CEP85L: variants seen among roughly 807,000 people sequenced by gnomAD.
CEP85L encodes the protein centrosomal protein of 85 kDa-like.
A neutral mutation model predicts 100.3 loss-of-function variants in CEP85L; 60 were observed. The ratio of observed to expected loss-of-function variants is 0.60; its 90% CI spans 0.49 to 0.74. CEP85L has a LOEUF of 0.74. CEP85L is among the 30% of genes least tolerant of loss of function. The pLI is 0.00. For missense variants in CEP85L, 973 were observed against 936.2 expected, an observed-to-expected ratio of 1.04 and a Z score of -0.51; for synonymous variants, 319 against 322.7, an observed-to-expected ratio of 0.99 and a Z score of 0.12.
At chr6:118,543,011 T>C (rs1312386441) in intron 3 of CEP85L, among the ~76,000 whole-genome samples, 1 of 151,312 alleles carries the variant, frequency 6.6e-6, no homozygotes, top group Non-Finnish European at 1.5e-5. Context: ...ATAAGGAAAG[T>C]AACTTACAAT....
intron 2 of CEP85L, among the ~76,000 whole-genome samples, chr6:118,570,175 AG>A (rs1462010357): frequency 2.6e-5 from 4 of 152,348 alleles, no homozygotes; most frequent in Non-Finnish European, 5.9e-5. Context: ...CATAGTGGAA[AG>A]GGGGCAAAAG....
intron 3 of CEP85L, among the ~76,000 whole-genome samples, chr6:118,529,620 A>AAAAAAAC (rs1256495089): frequency 1.1e-3 from 112 of 106,168 alleles, no homozygotes; most frequent in African/African-American, 3.4e-3. Flanking sequence ...AAAAAAAAAA[A>AAAAAAAC]AAAAAAAAAA....
intron 1 of CEP85L, among the ~76,000 whole-genome samples, chr6:118,666,494 G>A (rs933834522): frequency 2.0e-5 from 3 of 152,152 alleles, no homozygotes; most frequent in African/African-American, 7.2e-5. Flanking sequence ...CCTATTGAAT[G>A]TTTACAACAT....
intron 3 of CEP85L, among the ~76,000 whole-genome samples, chr6:118,561,265 G>GA: frequency 6.6e-6 from 1 of 152,266 alleles, no homozygotes; most frequent in Admixed American, 6.5e-5. Flanking sequence ...TACCAATACA[G>GA]AAAGTATCCC....
At chr6:118,521,048 T>G (rs1416692085) in intron 4 of CEP85L, among the ~76,000 whole-genome samples, 1 of 152,204 alleles carries the variant, frequency 6.6e-6, no homozygotes, top group Non-Finnish European at 1.5e-5. Flanking sequence ...CATGTAATTT[T>G]GGATAATATA....
chr6:118,479,762 T>TA, intron 10 of CEP85L, 109 bp downstream of exon 10: 1 of 512,066 alleles, frequency 2.0e-6, no homozygotes. Flanking sequence ...GTGCTATAAA[T>TA]ATTATCTTTC....
chr6:118,480,194 T>C (rs1439987554), intron 9 of CEP85L, among the ~76,000 whole-genome samples: 1 of 152,148 alleles, frequency 6.6e-6, no homozygotes, highest in African/African-American at 2.4e-5. Context: ...AGATATCCTT[T>C]TGTTTTGGCT....
chr6:118,596,086 T>C (rs1054379303), intron 2 of CEP85L, among the ~76,000 whole-genome samples: 3 of 152,292 alleles, frequency 2.0e-5, no homozygotes, highest in African/African-American at 7.2e-5. Flanking sequence ...TATTCTAAAA[T>C]GTTTGGAATT....
At chr6:118,707,279 TTCC>T (rs1399279367) in intron 1 of CEP85L, among the ~76,000 whole-genome samples, 1 of 150,168 alleles carries the variant, frequency 6.7e-6, no homozygotes, top group African/African-American at 2.4e-5. Flanking sequence ...CAGCCTCAAC[TTCC>T]CAGGCTCAGA....
At chr6:118,565,447 C>T (rs1486444163) in intron 3 of CEP85L, 82 bp downstream of exon 3, 2 of 1,300,036 alleles carry the variant, frequency 1.5e-6, no homozygotes, top group African/African-American at 2.9e-5. Context: ...TCTGTGAACA[C>T]TTGTTATATG....
At chr6:118,653,087 A>G (rs73766602), upstream of CEP85L, among the ~76,000 whole-genome samples, 4,108 of 152,298 alleles carry the variant, frequency 0.027, 187 homozygotes, top group African/African-American at 0.093. Context: ...TTGCGAGTTT[A>G]AAATACACTT....
intron 6 of CEP85L, among the ~76,000 whole-genome samples, chr6:118,485,779 C>T (rs797019067): frequency 2.0e-4 from 31 of 152,322 alleles, no homozygotes; most frequent in African/African-American, 6.5e-4. Context: ...TAGTAACCAG[C>T]TGTGCTTGGT....
At chr6:118,518,560 T>A (rs1776423105) in intron 4 of CEP85L, among the ~76,000 whole-genome samples, 1 of 152,244 alleles carries the variant, frequency 6.6e-6, no homozygotes, top group African/African-American at 2.4e-5. Context: ...TGTAATTCTG[T>A]GGGATCAGTG....
chr6:118,651,084 G>C, intron 1 of CEP85L, 113 bp downstream of exon 1: 1 of 1,359,866 alleles, frequency 7.4e-7, no homozygotes, highest in Middle Eastern at 2.7e-4. Flanking sequence ...CGGCGTCGGG[G>C]AGGCGGCCGG....
chr6:118,594,730 C>G (rs1303891739), intron 2 of CEP85L, among the ~76,000 whole-genome samples: 1 of 151,576 alleles, frequency 6.6e-6, no homozygotes, highest in Non-Finnish European at 1.5e-5. Flanking sequence ...GTGGCAGGCG[C>G]CTGTAGTCCC....
chr6:118,502,356 G>A, intron 5 of CEP85L: 1 of 528,794 alleles, frequency 1.9e-6, no homozygotes, highest in Non-Finnish European at 3.5e-6. Context: ...CCCATGCCAA[G>A]ATTACCCATA....
chr6:118,514,524 C>CAAAAAAAAAAAAAAAA (rs561316113), intron 4 of CEP85L, among the ~76,000 whole-genome samples: 1 of 87,576 alleles, frequency 1.1e-5, no homozygotes, highest in Non-Finnish European at 2.2e-5. Flanking sequence ...GACACTGTCT[C>CAAAAAAAAAAAAAAAA]AAAAAAAAAA....
At chr6:118,539,587 C>CT (rs986008178) in intron 3 of CEP85L, among the ~76,000 whole-genome samples, 17 of 152,048 alleles carry the variant, frequency 1.1e-4, no homozygotes, top group African/African-American at 4.1e-4. Flanking sequence ...CTATTTTTTA[C>CT]TTTTTTTTGT....
intron 2 of CEP85L, among the ~76,000 whole-genome samples, chr6:118,624,387 A>G (rs1773650082): frequency 6.6e-6 from 1 of 151,972 alleles, no homozygotes; most frequent in African/African-American, 2.4e-5. Context: ...CCTTTTAACA[A>G]TTTACTCCTT....
Sources: allele counts gnomAD v4.1 joint callset (sites outside exome capture counted in the v4.1 genomes callset), GRCh38; gene constraint gnomAD v4.1.1; transcripts MANE v1.5; gene names NCBI Gene and HGNC (gene_info 2026-07-23, HGNC 2026-07-21).